The following ARB2A variants were observed in gnomAD, a reference collection of about 807,000 sequenced individuals.
The protein encoded by ARB2A is cotranscriptional regulator ARB2A.
the ARB2A span, chr5:93,776,348 C>G: frequency 1.3e-6 from 1 of 760,162 alleles, no homozygotes; most frequent in South Asian, 2.5e-5. Context: ...AGAGTGTATT[C>G]AATTTATTTT....
the ARB2A span, among the ~76,000 whole-genome samples, chr5:93,759,447 A>C: frequency 1.3e-5 from 2 of 152,200 alleles, no homozygotes; most frequent in African/African-American, 4.8e-5. Flanking sequence ...ATAACCAAAA[A>C]AGAAAACTAC....
chr5:93,732,695 T>C, the ARB2A span, among the ~76,000 whole-genome samples: 143 of 152,220 alleles, frequency 9.4e-4, 1 homozygote, highest in African/African-American at 3.3e-3. Context: ...ACTAAAAATG[T>C]GACTAAAAAT....
chr5:93,636,486 C>T, the ARB2A span, among the ~76,000 whole-genome samples: 1 of 152,184 alleles, frequency 6.6e-6, no homozygotes, highest in Admixed American at 6.5e-5. Flanking sequence ...ATCTCCTTCA[C>T]CCGCCTTCTT....
At chr5:93,825,979 G>A in the ARB2A span, among the ~76,000 whole-genome samples, 1 of 151,456 alleles carries the variant, frequency 6.6e-6, no homozygotes, top group Non-Finnish European at 1.5e-5. Flanking sequence ...ACAGATTTTT[G>A]GAATTGGGAA....
At chr5:93,881,574 C>G in the ARB2A span, 68 of 1,608,660 alleles carry the variant, frequency 4.2e-5, no homozygotes, top group Non-Finnish European at 5.5e-5. Flanking sequence ...TCTTTTCTTT[C>G]CCGTTTTTCT....
At chr5:93,999,676 A>G in the ARB2A span, among the ~76,000 whole-genome samples, 1 of 151,998 alleles carries the variant, frequency 6.6e-6, no homozygotes, top group African/African-American at 2.4e-5. Flanking sequence ...TTGAGACATC[A>G]TAATCACCCA....
chr5:94,011,585 A>G, the ARB2A span, among the ~76,000 whole-genome samples: 1 of 152,208 alleles, frequency 6.6e-6, no homozygotes, highest in African/African-American at 2.4e-5. Flanking sequence ...CATGGGCACA[A>G]AAGATTAAAG....
the ARB2A span, among the ~76,000 whole-genome samples, chr5:93,777,463 A>C: frequency 1.3e-5 from 2 of 152,308 alleles, no homozygotes; most frequent in African/African-American, 4.8e-5. Context: ...CCTTTTATAC[A>C]TTTTAAGTCT....
At chr5:93,929,761 T>C in the ARB2A span, among the ~76,000 whole-genome samples, 4 of 152,158 alleles carry the variant, frequency 2.6e-5, no homozygotes, top group Non-Finnish European at 4.4e-5. Context: ...AAGAAATGAA[T>C]TTATCAACTA....
the ARB2A span, among the ~76,000 whole-genome samples, chr5:93,638,587 C>T: frequency 7.3e-5 from 11 of 151,000 alleles, no homozygotes; most frequent in Admixed American, 2.0e-4. Context: ...CTGAGGCAGG[C>T]GGGTCACCTC....
At chr5:93,676,358 T>A in the ARB2A span, among the ~76,000 whole-genome samples, 1 of 152,320 alleles carries the variant, frequency 6.6e-6, no homozygotes, top group African/African-American at 2.4e-5. Context: ...GAGTACTAAG[T>A]TTTATAAGCT....
the ARB2A span, among the ~76,000 whole-genome samples, chr5:93,945,980 T>C: frequency 1.9e-4 from 29 of 152,220 alleles, no homozygotes; most frequent in Non-Finnish European, 3.4e-4. Flanking sequence ...TAGAAGACAA[T>C]GAAACAAATC....
chr5:93,917,237 T>C, the ARB2A span, among the ~76,000 whole-genome samples: 314 of 152,294 alleles, frequency 2.1e-3, 2 homozygotes, highest in African/African-American at 7.3e-3. Flanking sequence ...ATAATGTTGA[T>C]GATATTGCTA....
chr5:93,623,452 T>C, the ARB2A span, among the ~76,000 whole-genome samples: 1 of 152,190 alleles, frequency 6.6e-6, no homozygotes, highest in African/African-American at 2.4e-5. Flanking sequence ...TCTATGAATC[T>C]AGAGGGACCT....
the ARB2A span, among the ~76,000 whole-genome samples, chr5:93,868,087 A>T: frequency 6.6e-6 from 1 of 152,204 alleles, no homozygotes; most frequent in Non-Finnish European, 1.5e-5. Flanking sequence ...TGGGATGCCA[A>T]GGGAGGAGGA....
the ARB2A span, among the ~76,000 whole-genome samples, chr5:93,749,459 A>C: frequency 6.6e-6 from 1 of 152,168 alleles, no homozygotes; most frequent in Non-Finnish European, 1.5e-5. Flanking sequence ...TGGTAGCAAA[A>C]ATTTGTGTAT....
the ARB2A span, among the ~76,000 whole-genome samples, chr5:94,028,648 A>G: frequency 1.3e-5 from 2 of 152,368 alleles, no homozygotes; most frequent in East Asian, 1.9e-4. Context: ...ATGTTCAAAC[A>G]TATAAAAACG....
At chr5:93,957,911 C>A in the ARB2A span, among the ~76,000 whole-genome samples, 1 of 151,058 alleles carries the variant, frequency 6.6e-6, no homozygotes, top group South Asian at 2.1e-4. Context: ...TTACAAAAGT[C>A]TTTTTACAAA....
At chr5:93,640,064 C>CAA in the ARB2A span, among the ~76,000 whole-genome samples, 59 of 59,138 alleles carry the variant, frequency 1.0e-3, no homozygotes, top group Admixed American at 1.3e-3. Context: ...ACTCTGTCTC[C>CAA]AAAAAAAAAA....
Sources: allele counts gnomAD v4.1 joint callset (sites outside exome capture counted in the v4.1 genomes callset), GRCh38; gene constraint gnomAD v4.1.1; transcripts MANE v1.5; gene names NCBI Gene and HGNC (gene_info 2026-07-23, HGNC 2026-07-21).